SYNPR: variants seen among roughly 807,000 people sequenced by gnomAD.
The protein encoded by SYNPR is synaptoporin.
A neutral mutation model predicts 32.9 loss-of-function variants in SYNPR; 23 were observed. The ratio of observed to expected loss-of-function variants is 0.70; its 90% CI spans 0.50 to 0.99. SYNPR has a LOEUF of 0.99. Among genes scored for constraint, SYNPR ranks in the 50% least tolerant of loss-of-function variants. The pLI, the probability that SYNPR is intolerant of heterozygous loss-of-function variation, is 0.00. For missense variants in SYNPR, 318 were observed against 349.3 expected (o/e 0.91, Z 0.71); for synonymous variants, 146 against 135.9 (o/e 1.07, Z -0.52).
At chr3:63,499,561 A>G (rs964471760) in intron 3 of SYNPR, among the ~76,000 whole-genome samples, 7 of 152,168 alleles carry the variant, frequency 4.6e-5, no homozygotes, top group African/African-American at 9.7e-5. Context: ...ATAAGGAAGC[A>G]GAAAACTCTG....
At chr3:63,509,940 C>A (rs968301358) in intron 3 of SYNPR, among the ~76,000 whole-genome samples, 1 of 149,782 alleles carries the variant, frequency 6.7e-6, no homozygotes, top group Non-Finnish European at 1.5e-5. Context: ...TCTCTCCTTC[C>A]CCTCCTTTCT....
At chr3:63,487,153 C>A (rs1202725993) in intron 3 of SYNPR, among the ~76,000 whole-genome samples, 1 of 152,090 alleles carries the variant, frequency 6.6e-6, no homozygotes, top group Admixed American at 6.5e-5. Flanking sequence ...TTCTAGGTGG[C>A]AAGATTATGA....
At position 63,278,394 on chromosome 3, in the gene SYNPR, C is replaced by G; in HGVS notation, c.-140C>G. On this transcript the variant is annotated 5_prime_UTR_variant, in exon 1 of 6. Transcript: ENST00000478300. The stretch of plus-strand genomic sequence containing the variant: ...GTTAGCGGGTGGGCTCCCCGAGGCC[C>G]CCTGCCCTCGCCGGGCTGCTCCAGG... The G allele has an allele frequency of 8.7e-7, 1 of 1,143,072 alleles. No individual in the cohort carries two copies. The highest frequency in any genetic ancestry group is 1.2e-6 in the Non-Finnish European group (1 of 823,706). The allele number at this position is 1,143,072 out of a possible 1,614,324, so 70.8% of individuals were successfully genotyped here.
intron 2 of SYNPR, among the ~76,000 whole-genome samples, chr3:63,324,320 A>T (rs142324782): frequency 6.6e-6 from 1 of 151,942 alleles, no homozygotes; most frequent in African/African-American, 2.4e-5. Context: ...CTTAACCATT[A>T]CAATGTATGG....
chr3:63,476,081 A>T (rs1700896945), intron 2 of SYNPR, among the ~76,000 whole-genome samples: 1 of 138,086 alleles, frequency 7.2e-6, no homozygotes, highest in South Asian at 2.6e-4. Context: ...GGAAGAATAG[A>T]GGAAGGGAGG....
the SYNPR span, among the ~76,000 whole-genome samples, chr3:63,218,872 A>G: frequency 6.6e-6 from 1 of 152,204 alleles, no homozygotes; most frequent in Non-Finnish European, 1.5e-5. Context: ...TTGCTGGGTT[A>G]AACAACTCTA....
At chr3:63,439,277 T>C (rs923691268) in intron 2 of SYNPR, among the ~76,000 whole-genome samples, 1 of 152,264 alleles carries the variant, frequency 6.6e-6, no homozygotes, top group African/African-American at 2.4e-5. Context: ...TAACCTTCTC[T>C]ATAAATACTT....
At chr3:63,200,992 C>G in the SYNPR span, among the ~76,000 whole-genome samples, 1 of 152,094 alleles carries the variant, frequency 6.6e-6, no homozygotes, top group African/African-American at 2.4e-5. Flanking sequence ...AGTGCCATTC[C>G]TGTTTAATCT....
At chr3:63,341,235 C>G (rs185748850) in intron 2 of SYNPR, among the ~76,000 whole-genome samples, 12 of 152,198 alleles carry the variant, frequency 7.9e-5, no homozygotes, top group African/African-American at 2.7e-4. Context: ...TTTTTTATTA[C>G]TATAAAATAT....
At chr3:63,210,112 T>G in the SYNPR span, among the ~76,000 whole-genome samples, 1 of 152,230 alleles carries the variant, frequency 6.6e-6, no homozygotes, top group Admixed American at 6.5e-5. Flanking sequence ...TTTAACTAAA[T>G]TAAGAGTGTT....
At chr3:63,363,204 G>A (rs1461803435) in intron 2 of SYNPR, among the ~76,000 whole-genome samples, 3 of 152,104 alleles carry the variant, frequency 2.0e-5, no homozygotes, top group Non-Finnish European at 2.9e-5. Context: ...CCCGGCATAT[G>A]TTTCAGTAGA....
intron 4 of SYNPR, among the ~76,000 whole-genome samples, chr3:63,578,443 A>G (rs1016098803): frequency 4.6e-5 from 7 of 152,128 alleles, no homozygotes; most frequent in Non-Finnish European, 8.8e-5. Context: ...TAGGTCTTCC[A>G]TGTGTGGATA....
At chr3:63,223,342 G>A (rs964623011), upstream of SYNPR, among the ~76,000 whole-genome samples, 2 of 151,602 alleles carry the variant, frequency 1.3e-5, no homozygotes, top group Non-Finnish European at 2.9e-5. Flanking sequence ...CTTTGTTGAT[G>A]TATGTGACAT....
At chr3:63,368,770 A>T (rs1236678697) in intron 2 of SYNPR, among the ~76,000 whole-genome samples, 1 of 152,180 alleles carries the variant, frequency 6.6e-6, no homozygotes, top group East Asian at 1.9e-4. Context: ...TGGCTGAAGA[A>T]GTTTATTGAC....
At chr3:63,467,819 G>T (rs575752034) in intron 2 of SYNPR, among the ~76,000 whole-genome samples, 2 of 152,116 alleles carry the variant, frequency 1.3e-5, no homozygotes, top group Non-Finnish European at 2.9e-5. Flanking sequence ...CAAATGCATT[G>T]TAACAAGTTC....
chr3:63,332,369 G>A (rs1039928885), intron 2 of SYNPR, among the ~76,000 whole-genome samples: 1 of 152,146 alleles, frequency 6.6e-6, no homozygotes, highest in African/African-American at 2.4e-5. Context: ...CAGCTCACTT[G>A]TTTATACTTC....
At chr3:63,589,451 A>T (rs958734115) in intron 4 of SYNPR, among the ~76,000 whole-genome samples, 14 of 152,156 alleles carry the variant, frequency 9.2e-5, no homozygotes, top group Non-Finnish European at 2.9e-5. Context: ...TTCTCAATAG[A>T]GATTTGCTAA....
At chr3:63,336,017 C>T (rs2087289858) in intron 2 of SYNPR, among the ~76,000 whole-genome samples, 1 of 152,076 alleles carries the variant, frequency 6.6e-6, no homozygotes, top group African/African-American at 2.4e-5. Context: ...CTCAGGTGAT[C>T]CGCCTGCCTC....
intron 3 of SYNPR, among the ~76,000 whole-genome samples, chr3:63,531,533 C>T (rs780739457): frequency 2.0e-5 from 3 of 152,130 alleles, no homozygotes; most frequent in Non-Finnish European, 2.9e-5. Flanking sequence ...CGAGTATAAC[C>T]TCATCTAAGC....
Sources: gnomAD v4.1 joint callset for allele counts (sites outside exome capture counted in the v4.1 genomes callset) on GRCh38, gnomAD v4.1.1 for gene constraint, MANE v1.5 for transcripts, NCBI Gene and HGNC (gene_info 2026-07-23, HGNC 2026-07-21) for gene names.